SCP2: variants seen among roughly 807,000 people sequenced by gnomAD.
The protein encoded by SCP2 is SCP-2/3-oxoacyl-CoA thiolase.
Under a neutral mutation model 71.4 loss-of-function variants are expected in SCP2, and 48 were observed. The ratio of observed to expected loss-of-function variants is 0.67; its 90% confidence interval spans 0.53 to 0.86. The LOEUF (loss-of-function observed/expected upper bound fraction) is 0.86. SCP2 is among the 40% of genes least tolerant of loss of function. The pLI is 0.00. For synonymous variants in SCP2, 220 were observed against 218.1 expected (o/e 1.01, Z -0.08); for missense variants, 560 against 655.6 (o/e 0.85, Z 1.59).
chr1:53,003,880 C>T (rs1434087429), intron 11 of SCP2, among the ~76,000 whole-genome samples: 3 of 152,116 alleles, frequency 2.0e-5, no homozygotes, highest in African/African-American at 7.2e-5. Flanking sequence ...TACTGTAGAT[C>T]TTAGCAACCT....
chr1:52,999,940 C>T (rs763227692), intron 11 of SCP2, among the ~76,000 whole-genome samples: 13 of 151,488 alleles, frequency 8.6e-5, no homozygotes, highest in Non-Finnish European at 1.6e-4. Context: ...CCTCAACCTC[C>T]GGAGTAGCTG....
chr1:53,050,609 G>T lies in SCP2; in HGVS notation c.1549G>T (p.Ala517Ser), dbSNP rs1463411858. 2 of 1,607,400 alleles carry T rather than the reference G, an allele frequency of 1.2e-6. No individual in the cohort carries two copies. Among genetic ancestry groups the T allele is most frequent in the African/African-American group, 2.7e-5 (2 of 74,718 alleles). The change falls in exon 16 of 16, where the codon GCC (alanine) becomes TCC (serine). Residue 517 changes from alanine (A) to serine (S), a missense_variant and splice_region_variant. Ala to Ser is a moderately conservative substitution (Grantham distance 99). Coordinates refer to ENST00000371514, the MANE Select transcript of SCP2 (RefSeq NM_002979.5). ...AATGAATTTTCTTTCTTCTTCACAG[G>T]CCTTCTTTCAAGGCAAATTGAAAAT... ...LMTGKMNPQS[A>S]FFQGKLKITG...
intron 10 of SCP2, among the ~76,000 whole-genome samples, chr1:52,982,425 C>G (rs150873695): frequency 0.011 from 1,685 of 152,140 alleles, 14 homozygotes; most frequent in African/African-American, 0.038. Flanking sequence ...AAAAAATTAG[C>G]CGGGCATGGT....
chr1:52,982,615 G>A (rs778681434), intron 10 of SCP2, among the ~76,000 whole-genome samples: 7 of 152,094 alleles, frequency 4.6e-5, no homozygotes, highest in South Asian at 4.2e-4. Context: ...GAACCACTGC[G>A]ATAAGAATTA....
At chr1:52,998,969 C>A (rs912132595) in intron 11 of SCP2, among the ~76,000 whole-genome samples, 1 of 152,164 alleles carries the variant, frequency 6.6e-6, no homozygotes, top group Non-Finnish European at 1.5e-5. Context: ...CAAAGAGATA[C>A]CTCAGGAAAT....
chr1:52,934,600 T>A (rs980509189), intron 1 of SCP2, among the ~76,000 whole-genome samples: 13 of 71,868 alleles, frequency 1.8e-4, no homozygotes, highest in African/African-American at 8.8e-4. Flanking sequence ...AACTTTTTTT[T>A]TTTTTTTTTT....
At chr1:52,954,471 C>A (rs1185183672) in intron 4 of SCP2, among the ~76,000 whole-genome samples, 1 of 152,106 alleles carries the variant, frequency 6.6e-6, no homozygotes. Context: ...GTCACTAGGA[C>A]TACAGGTGTG....
chr1:52,987,319 T>C (rs1659088779), intron 10 of SCP2, among the ~76,000 whole-genome samples: 1 of 152,292 alleles, frequency 6.6e-6, no homozygotes. Flanking sequence ...CCAGAGTGAG[T>C]GCTCAAAGCT....
At chr1:52,984,540 T>C (rs975812551) in intron 10 of SCP2, among the ~76,000 whole-genome samples, 48 of 152,136 alleles carry the variant, frequency 3.2e-4, no homozygotes, top group Admixed American at 2.6e-4. Context: ...TACTTTCTTT[T>C]TTTTTTTTTT....
chr1:52,961,658 T>G (rs778757899), intron 6 of SCP2, 29 bp downstream of exon 6: 1 of 1,588,424 alleles, frequency 6.3e-7, no homozygotes, highest in Admixed American at 1.7e-5. Flanking sequence ...ACTTTGAGGC[T>G]TCTTACTAGT....
chr1:53,017,439 G>A (rs1042132561), intron 12 of SCP2, among the ~76,000 whole-genome samples: 1 of 152,196 alleles, frequency 6.6e-6, no homozygotes, highest in Admixed American at 6.5e-5. Context: ...AGAGTGTCAT[G>A]TGAATGGAAT....
At chr1:53,009,931 G>GA (rs1288288259) in intron 11 of SCP2, among the ~76,000 whole-genome samples, 7 of 152,134 alleles carry the variant, frequency 4.6e-5, no homozygotes, top group Non-Finnish European at 8.8e-5. Flanking sequence ...AAATTTACAA[G>GA]AAAAAATCAA....
At chr1:53,013,137 G>A (rs553587873) in intron 11 of SCP2, among the ~76,000 whole-genome samples, 5 of 140,760 alleles carry the variant, frequency 3.6e-5, no homozygotes, top group Non-Finnish European at 7.6e-5. Context: ...TTTGAGACAG[G>A]GTCTCCCCCT....
At chr1:52,999,834 T>TTTTTA (rs1572167410) in intron 11 of SCP2, among the ~76,000 whole-genome samples, 2 of 141,556 alleles carry the variant, frequency 1.4e-5, no homozygotes, top group African/African-American at 5.8e-5. Flanking sequence ...TTTTTTTTTT[T>TTTTTA]GAGACAGAGT....
chr1:53,050,031 A>C (rs185391264), intron 15 of SCP2: 1 of 152,518 alleles, frequency 6.6e-6, no homozygotes, highest in African/African-American at 2.4e-5. Flanking sequence ...AGCAAACATC[A>C]TGTGATCTAA....
rs529510718 is a variant in SCP2, at chr1:53,040,099, C to T, written c.1468+1053C>T. Among the ~76,000 whole-genome samples, 10 of 152,334 alleles carry T rather than the reference C, an allele frequency of 6.6e-5. No homozygotes were observed. The South Asian group carries it at 2.1e-3, about 32-fold the overall frequency. Reference sequence around the variant, plus strand: ...ACATCTTGTCCTCCTCTGTAACCACCACCACCCTGGTCTAAGCCAGCATCA... The same window carrying T: ...ACATCTTGTCCTCCTCTGTAACCACTACCACCCTGGTCTAAGCCAGCATCA... On this transcript the variant is annotated intron_variant, in intron 14 of 15. Coordinates refer to ENST00000371514, the MANE Select transcript of SCP2 (RefSeq NM_002979.5).
intron 14 of SCP2, among the ~76,000 whole-genome samples, chr1:53,047,629 G>A (rs923227222): frequency 4.1e-4 from 62 of 152,070 alleles, no homozygotes; most frequent in African/African-American, 1.4e-3. Flanking sequence ...CTCACTATTT[G>A]AATATACCAT....
rs191559208 is a variant in SCP2 at position 52,951,802 on chromosome 1, C to T, written c.331+916C>T. Among the ~76,000 whole-genome samples the T allele has an allele frequency of 5.0e-3, 757 of 151,908 alleles. 6 individuals are homozygous for T. The highest frequency in any genetic ancestry group is 7.5e-3 in the Non-Finnish European group (512 of 67,928). On this transcript the variant is annotated intron_variant, in intron 4 of 15. Coordinates refer to ENST00000371514, the MANE Select transcript of SCP2 (RefSeq NM_002979.5). Reference sequence around the variant, plus strand: ...TGCCATCTCAGCTCACTGCAACCTCCACCTCCCGGGTTCAAGTGATTCTCA... The same window carrying T: ...TGCCATCTCAGCTCACTGCAACCTCTACCTCCCGGGTTCAAGTGATTCTCA...
intron 4 of SCP2, 98 bp from the exon 5 acceptor site, chr1:52,954,642 G>A: frequency 1.0e-6 from 1 of 989,634 alleles, no homozygotes. Context: ...GAGCCATTGT[G>A]TGCTCACTTG....
Sources: allele counts gnomAD v4.1 joint callset (sites outside exome capture counted in the v4.1 genomes callset), GRCh38; gene constraint gnomAD v4.1.1; transcripts MANE v1.5; gene names NCBI Gene and HGNC (gene_info 2026-07-23, HGNC 2026-07-21).